The following MAOA variants were observed in gnomAD, a reference collection of about 807,000 sequenced individuals.
MAOA encodes the protein amine oxidase [flavin-containing] A.
MAOA carries 6 observed loss-of-function variants against 42.0 expected under a neutral mutation model. The observed-to-expected ratio is 0.14, with a 90% CI of 0.08 to 0.28. The LOEUF (loss-of-function observed/expected upper bound fraction) is 0.28, where lower values mean the gene tolerates loss of function less well. Ranked by LOEUF, MAOA falls within the 10% of genes least tolerant of loss-of-function variation. MAOA has a pLI of 1.00. For missense variants in MAOA, 262 were observed against 422.3 expected (o/e 0.62, Z 3.33); for synonymous variants, 140 against 154.0 (o/e 0.91, Z 0.67).
intron 2 of MAOA, among the ~76,000 whole-genome samples, chrX:43,689,120 C>T (rs2033512422): frequency 9.1e-6 from 1 of 110,284 alleles, no homozygotes; most frequent in East Asian, 2.8e-4. Flanking sequence ...CACTGTGTTG[C>T]CCAGGCTGGA....
intron 5 of MAOA, among the ~76,000 whole-genome samples, chrX:43,717,912 G>A (rs2033757407): frequency 9.1e-6 from 1 of 110,160 alleles, no homozygotes; most frequent in Non-Finnish European, 1.9e-5. Flanking sequence ...AGAGCCAAGG[G>A]GGAGACAAGG....
intron 1 of MAOA, among the ~76,000 whole-genome samples, chrX:43,666,399 G>T (rs1360469144): frequency 1.8e-5 from 2 of 110,827 alleles, no homozygotes; most frequent in African/African-American, 6.6e-5. Context: ...CTCTCTTTTT[G>T]TCATACACCA....
chrX:43,678,703 C>G (rs188863150), intron 1 of MAOA, among the ~76,000 whole-genome samples: 161 of 111,635 alleles, frequency 1.4e-3, no homozygotes, highest in African/African-American at 5.0e-3. Context: ...TGGTTATAAT[C>G]CAAGACTTAC....
chrX:43,728,391 T>C (rs1006088116), intron 6 of MAOA, 77 bp downstream of exon 6: 4 of 1,046,232 alleles, frequency 3.8e-6, no homozygotes, highest in Admixed American at 2.2e-5. Flanking sequence ...GTGTCTTTAA[T>C]AGTTGCTTCA....
intron 1 of MAOA, among the ~76,000 whole-genome samples, chrX:43,681,878 A>ATTTTT (rs1282241261): frequency 7.5e-5 from 6 of 80,379 alleles, no homozygotes; most frequent in African/African-American, 1.0e-4. Context: ...ATATATATAT[A>ATTTTT]TATTTTTTTT....
intron 1 of MAOA, among the ~76,000 whole-genome samples, chrX:43,673,659 T>G (rs2033359170): frequency 9.0e-6 from 1 of 110,832 alleles, no homozygotes; most frequent in South Asian, 3.8e-4. Flanking sequence ...TTGTTCTTGT[T>G]GGTTTCAAAG....
chrX:43,730,917 T>C (rs1021001081), intron 6 of MAOA, among the ~76,000 whole-genome samples: 1 of 111,935 alleles, frequency 8.9e-6, no homozygotes, highest in Non-Finnish European at 1.9e-5. Flanking sequence ...CTCCACACCC[T>C]GCACTCTTTG....
intron 3 of MAOA, among the ~76,000 whole-genome samples, chrX:43,704,762 G>T (rs1278198383): frequency 9.0e-6 from 1 of 111,335 alleles, no homozygotes; most frequent in Non-Finnish European, 1.9e-5. Context: ...GTTCATCGAG[G>T]TTGCAGGATA....
intron 4 of MAOA, among the ~76,000 whole-genome samples, 156 bp downstream of exon 4, chrX:43,712,132 C>T (rs2033704375): frequency 9.0e-6 from 1 of 111,589 alleles, no homozygotes; most frequent in African/African-American, 3.3e-5. Context: ...TTCCACTTCA[C>T]AAATGGAAAA....
chrX:43,711,812 C>T, intron 3 of MAOA, 60 bp from the exon 4 acceptor site: 1 of 918,513 alleles, frequency 1.1e-6, no homozygotes, highest in Admixed American at 2.2e-5. Flanking sequence ...TGTTTTAGAA[C>T]ACCATTCAAA....
At chrX:43,723,705 G>A (rs1267567426) in intron 5 of MAOA, among the ~76,000 whole-genome samples, 1 of 111,780 alleles carries the variant, frequency 8.9e-6, no homozygotes, top group Admixed American at 9.5e-5. Context: ...GGCCTGGTCA[G>A]AACTTCCAAT....
At position 43,731,723 on chromosome X, in the gene MAOA, G is replaced by A. The variant is rs138703731; in HGVS notation, c.825G>A (p.Pro275=). The change falls in exon 8 of 15, where the codon CCG becomes CCA. Residue 275 remains proline, a synonymous_variant. Coordinates refer to ENST00000338702, the MANE Select transcript of MAOA (RefSeq NM_000240.4). ...AATACGTAATTAATGCGATCCCTCC[G>A]ACCTTGACTGCCAAGATTCACTTCA... ...ECKYVINAIP[P]TLTAKIHFRP... 4,430 of 1,209,353 alleles carry A rather than the reference G, an allele frequency of 3.7e-3. 4 individuals carry two copies. The highest frequency in any genetic ancestry group is 4.3e-3 in the Non-Finnish European group (3,865 of 894,832).
intron 5 of MAOA, among the ~76,000 whole-genome samples, chrX:43,718,334 C>T (rs2033761199): frequency 1.1e-5 from 1 of 94,568 alleles, no homozygotes; most frequent in African/African-American, 4.2e-5. Flanking sequence ...GAGATGGTGT[C>T]TTCCAGTAAT....
At chrX:43,672,157 A>G (rs1044751783) in intron 1 of MAOA, among the ~76,000 whole-genome samples, 8 of 111,479 alleles carry the variant, frequency 7.2e-5, no homozygotes, top group Non-Finnish European at 1.1e-4. Context: ...GAGGTCCTTC[A>G]CATCCCTTGT....
At chrX:43,685,905 C>T (rs2033484192) in intron 2 of MAOA, among the ~76,000 whole-genome samples, 1 of 111,940 alleles carries the variant, frequency 8.9e-6, no homozygotes. Flanking sequence ...AGTGAGGAGA[C>T]TGGGATTCTA....
At chrX:43,660,782 T>G (rs1326684693) in intron 1 of MAOA, among the ~76,000 whole-genome samples, 4 of 111,971 alleles carry the variant, frequency 3.6e-5, no homozygotes, top group Non-Finnish European at 7.5e-5. Context: ...GCTCAGTCAC[T>G]GAATTCAGTT....
intron 1 of MAOA, among the ~76,000 whole-genome samples, chrX:43,665,696 A>C (rs769428482): frequency 9.0e-6 from 1 of 111,666 alleles, no homozygotes; most frequent in Non-Finnish European, 1.9e-5. Flanking sequence ...TTATTACTTG[A>C]GACAGCCCTA....
At chrX:43,674,204 C>T (rs1261367896) in intron 1 of MAOA, among the ~76,000 whole-genome samples, 1 of 110,513 alleles carries the variant, frequency 9.0e-6, no homozygotes, top group African/African-American at 3.3e-5. Context: ...TATGTAATGG[C>T]CTTCTTTGTC....
At chrX:43,728,419 T>C in intron 6 of MAOA, 105 bp downstream of exon 6, 1 of 890,302 alleles carries the variant, frequency 1.1e-6, no homozygotes, top group Admixed American at 2.3e-5. Context: ...GAAACATGAA[T>C]AATTAGCAGC....
Sources: gnomAD v4.1 joint callset for allele counts (sites outside exome capture counted in the v4.1 genomes callset) on GRCh38, gnomAD v4.1.1 for gene constraint, MANE v1.5 for transcripts, NCBI Gene and HGNC (gene_info 2026-07-23, HGNC 2026-07-21) for gene names.